Variants in PIWIL1 observed in about 807,000 individuals in gnomAD.
PIWIL1 encodes piwi-like protein 1.
In PIWIL1, 73 loss-of-function variants were observed where a neutral mutation model predicts 114.4. That is an observed-to-expected ratio of 0.64 (90% CI 0.53 to 0.78). The LOEUF is 0.78. Among genes scored for constraint, PIWIL1 ranks in the 30% least tolerant of loss-of-function variants. The pLI, the probability that PIWIL1 is intolerant of heterozygous loss-of-function variation, is 0.00. For missense variants in PIWIL1, 723 were observed against 1,063.1 expected, an observed-to-expected ratio of 0.68 and a Z score of 4.45; for synonymous variants, 375 against 369.0, an observed-to-expected ratio of 1.02 and a Z score of -0.19.
chr12:130,366,916 A>G (rs2073675697), intron 18 of PIWIL1, among the ~76,000 whole-genome samples: 1 of 152,200 alleles, frequency 6.6e-6, no homozygotes, highest in South Asian at 2.1e-4. Context: ...ACCGTGTGTC[A>G]CAGGACATAT....
chr12:130,402,576 CT>C, the PIWIL1 span, among the ~76,000 whole-genome samples: 86 of 152,316 alleles, frequency 5.6e-4, no homozygotes, highest in African/African-American at 1.9e-3. Flanking sequence ...TCACCTTGAC[CT>C]TTCCCTCCTC....
chr12:130,361,651 T>C, intron 16 of PIWIL1, 50 bp downstream of exon 16: 1 of 1,410,438 alleles, frequency 7.1e-7, no homozygotes, highest in Non-Finnish European at 1.0e-6. Flanking sequence ...TAAAGCAGGG[T>C]TCTGGAGGTT....
the PIWIL1 span, among the ~76,000 whole-genome samples, chr12:130,390,327 T>G: frequency 3.3e-5 from 5 of 152,148 alleles, no homozygotes; most frequent in Admixed American, 3.3e-4. Flanking sequence ...CTGACTACCT[T>G]TGTCCAGATG....
At chr12:130,416,005 G>C in the PIWIL1 span, among the ~76,000 whole-genome samples, 1 of 151,426 alleles carries the variant, frequency 6.6e-6, no homozygotes, top group African/African-American at 2.4e-5. Flanking sequence ...ATCTAACCAA[G>C]ACACACAGAA....
At chr12:130,376,980 T>C (rs949318400), downstream of PIWIL1, among the ~76,000 whole-genome samples, 1 of 152,224 alleles carries the variant, frequency 6.6e-6, no homozygotes, top group African/African-American at 2.4e-5. Flanking sequence ...AGTTCCCGTG[T>C]GTTCCTTCAG....
the PIWIL1 span, chr12:130,399,614 G>T: frequency 6.4e-7 from 1 of 1,563,414 alleles, no homozygotes; most frequent in South Asian, 1.2e-5. Flanking sequence ...TCAGTGCAAA[G>T]ATTGTATTAG....
At chr12:130,412,598 C>G in the PIWIL1 span, 1 of 1,607,250 alleles carries the variant, frequency 6.2e-7, no homozygotes. Flanking sequence ...CAGGGAAGGT[C>G]GAATAGGGGT....
chr12:130,392,356 G>T, the PIWIL1 span, among the ~76,000 whole-genome samples: 13 of 148,518 alleles, frequency 8.8e-5, no homozygotes, highest in South Asian at 6.5e-4. Context: ...ATGTTGTGAT[G>T]ACCCGGTCAC....
the PIWIL1 span, among the ~76,000 whole-genome samples, chr12:130,384,143 A>G: frequency 6.6e-6 from 1 of 152,154 alleles, no homozygotes; most frequent in Non-Finnish European, 1.5e-5. Flanking sequence ...ACGTTATTAG[A>G]CTTACAGTAT....
At chr12:130,411,556 A>C in the PIWIL1 span, among the ~76,000 whole-genome samples, 2 of 151,828 alleles carry the variant, frequency 1.3e-5, no homozygotes, top group African/African-American at 4.8e-5. Context: ...AATAGCATAA[A>C]AAATTTTAAT....
chr12:130,380,807 A>G, the PIWIL1 span, among the ~76,000 whole-genome samples: 1 of 152,320 alleles, frequency 6.6e-6, no homozygotes, highest in South Asian at 2.1e-4. Context: ...ACTGTTGATT[A>G]TGTGCAGGAG....
At chr12:130,423,993 G>A in the PIWIL1 span, 1 of 421,330 alleles carries the variant, frequency 2.4e-6, no homozygotes, top group Non-Finnish European at 4.0e-6. Flanking sequence ...AAGCAAATCG[G>A]ACTTGAGAAA....
At chr12:130,342,864 GAATAA>G in intron 2 of PIWIL1, 121 bp from the exon 3 acceptor site, 1 of 755,864 alleles carries the variant, frequency 1.3e-6, no homozygotes, top group Non-Finnish European at 2.2e-6. Flanking sequence ...TTATTTTTAA[GAATAA>G]AATATTTGAT....
the PIWIL1 span, among the ~76,000 whole-genome samples, chr12:130,409,937 G>A: frequency 6.6e-6 from 1 of 152,210 alleles, no homozygotes; most frequent in African/African-American, 2.4e-5. Context: ...GGATTGTATT[G>A]TAAGTGCACA....
chr12:130,355,312 T>A (rs1284595445), intron 11 of PIWIL1, among the ~76,000 whole-genome samples: 1 of 152,198 alleles, frequency 6.6e-6, no homozygotes, highest in Admixed American at 6.5e-5. Context: ...TATCAAGGGG[T>A]TTCCTTTGAC....
chr12:130,344,446 G>C (rs1227853007), intron 3 of PIWIL1, among the ~76,000 whole-genome samples: 1 of 108,848 alleles, frequency 9.2e-6, no homozygotes, highest in Non-Finnish European at 2.0e-5. Flanking sequence ...AAGTGCTTTA[G>C]ACGTGATATT....
chr12:130,360,598 A>G (rs2073483858), intron 14 of PIWIL1, among the ~76,000 whole-genome samples: 1 of 152,216 alleles, frequency 6.6e-6, no homozygotes, highest in South Asian at 2.1e-4. Context: ...GCACCACTGC[A>G]TTCCAGCCTG....
chr12:130,354,462 T>G (rs902053597), intron 9 of PIWIL1, 75 bp from the exon 10 acceptor site: 29 of 1,580,938 alleles, frequency 1.8e-5, no homozygotes, highest in Non-Finnish European at 2.3e-5. Flanking sequence ...TTTTAAAAAA[T>G]GAAACCCTTT....
rs761918397 is a variant in PIWIL1 at position 130,355,683 on chromosome 12, G to A, written c.1404+16G>A. On this transcript the variant is annotated intron_variant, in intron 12 of 20. Transcript: ENST00000245255. ...TGGAAAAACAGTAAGGCAGTTTTTC[G>A]TTGGTGTTGTTGTTGTTTTTGAGAC... is the stretch of plus-strand genomic sequence containing the variant. The A allele has an allele frequency of 2.0e-5, 30 of 1,532,066 alleles. No homozygotes were observed. The highest frequency in any genetic ancestry group is 5.6e-5 in the South Asian group (5 of 89,422). The allele number at this position is 1,532,066 out of a possible 1,614,324, so 94.9% of individuals were successfully genotyped here. A position where few individuals can be genotyped will look rare whatever the true frequency, so the allele number is the denominator to read the frequency against.
Sources: gnomAD v4.1 joint callset for allele counts (sites outside exome capture counted in the v4.1 genomes callset) on GRCh38, gnomAD v4.1.1 for gene constraint, MANE v1.5 for transcripts, NCBI Gene and HGNC (gene_info 2026-07-23, HGNC 2026-07-21) for gene names.